The following CDH4 variants were observed in gnomAD, a reference collection of about 807,000 sequenced individuals.
The protein encoded by CDH4 is cadherin-4.
A neutral mutation model predicts 86.0 loss-of-function variants in CDH4; 33 were observed. That is an observed-to-expected ratio of 0.38 (90% confidence interval 0.29 to 0.51). The LOEUF (loss-of-function observed/expected upper bound fraction) is 0.51. Ranked by LOEUF, CDH4 falls within the 20% of genes least tolerant of loss-of-function variation. The pLI, the probability that CDH4 is intolerant of heterozygous loss-of-function variation, is 0.86. For missense variants in CDH4, 1,114 were observed against 1,307.4 expected, an observed-to-expected ratio of 0.85 and a Z score of 2.28; for synonymous variants, 555 against 549.4, an observed-to-expected ratio of 1.01 and a Z score of -0.14.
intron 7 of CDH4, among the ~76,000 whole-genome samples, chr20:61,885,600 TGTAA>T (rs1047449799): frequency 2.6e-5 from 4 of 152,216 alleles, no homozygotes; most frequent in African/African-American, 2.4e-5. Flanking sequence ...AACGAGGGCG[TGTAA>T]GTGTTTGTCA....
chr20:61,686,495 G>GCGTGTGTGTATATGTGTGTGCA (rs1339440560), intron 2 of CDH4, among the ~76,000 whole-genome samples: 19 of 151,544 alleles, frequency 1.3e-4, no homozygotes, highest in Non-Finnish European at 2.5e-4. Context: ...GTGTGCATTC[G>GCGTGTGTGTATATGTGTGTGCA]CGTGTGTGTA....
At chr20:61,878,781 T>C (rs1270553981) in intron 7 of CDH4, among the ~76,000 whole-genome samples, 1 of 152,252 alleles carries the variant, frequency 6.6e-6, no homozygotes, top group African/African-American at 2.4e-5. Context: ...TTCCAGGTCC[T>C]GTCTCCCGCC....
At chr20:61,746,912 C>A (rs924969182) in intron 3 of CDH4, among the ~76,000 whole-genome samples, 1 of 152,320 alleles carries the variant, frequency 6.6e-6, no homozygotes, top group Admixed American at 6.5e-5. Context: ...CTGGTTGATG[C>A]GCCCTTACAG....
intron 2 of CDH4, among the ~76,000 whole-genome samples, chr20:61,284,841 A>G (rs1600834204): frequency 6.6e-6 from 1 of 152,240 alleles, no homozygotes; most frequent in South Asian, 2.1e-4. Flanking sequence ...TTGGCGGGCC[A>G]GATGTCGGGA....
At chr20:61,868,809 T>C (rs1037047610) in intron 6 of CDH4, among the ~76,000 whole-genome samples, 5 of 152,104 alleles carry the variant, frequency 3.3e-5, no homozygotes, top group African/African-American at 1.2e-4. Flanking sequence ...TTCCCCACCA[T>C]GTATTCCAGA....
intron 7 of CDH4, among the ~76,000 whole-genome samples, chr20:61,875,334 T>C (rs1279702661): frequency 6.6e-6 from 1 of 152,010 alleles, no homozygotes; most frequent in Admixed American, 6.6e-5. Flanking sequence ...GAGAGGCCAG[T>C]TGGGGGGTAA....
intron 6 of CDH4, among the ~76,000 whole-genome samples, chr20:61,857,925 G>A (rs1158958716): frequency 1.3e-5 from 2 of 151,690 alleles, no homozygotes; most frequent in African/African-American, 4.8e-5. Flanking sequence ...GTGTGTGTCA[G>A]TGTGTGTCTG....
At chr20:61,853,756 G>C (rs1020679360) in intron 6 of CDH4, among the ~76,000 whole-genome samples, 4 of 152,196 alleles carry the variant, frequency 2.6e-5, no homozygotes, top group African/African-American at 9.6e-5. Flanking sequence ...GCCTGGGGCT[G>C]TGGGTTAACA....
Position 61,924,421 on chromosome 20 carries a change from G to T in CDH4, c.1716G>T (p.Glu572Asp). ...CCACGGCGGCAGTGCTGGACCGTGA[G>T]TCCCTCTACACCAAAAACAACGTCT... The part of the protein sequence containing the change: ...QITTAAVLDR[E>D]SLYTKNNVYE... The change falls in exon 11 of 16, where the codon GAG becomes GAT. Residue 572 changes from glutamate (E) to aspartate (D), a missense_variant. This residue lies in a region of CDH4 where 705 missense variants were observed against 914.1 expected (regional missense o/e 0.77). Transcript: ENST00000614565. 6.2e-7 allele frequency: 1 copy of T among 1,613,926 alleles called. No individual in the cohort carries two copies.
chr20:61,539,132 C>T (rs148890848), intron 2 of CDH4, among the ~76,000 whole-genome samples: 15 of 152,252 alleles, frequency 9.9e-5, no homozygotes, highest in Non-Finnish European at 1.6e-4. Flanking sequence ...TGCTGCCCAC[C>T]GTGGCCGGTG....
intron 2 of CDH4, among the ~76,000 whole-genome samples, chr20:61,442,002 G>A (rs750265813): frequency 6.6e-6 from 1 of 152,160 alleles, no homozygotes; most frequent in Admixed American, 6.5e-5. Context: ...CCAATCGTTT[G>A]TATCAGCATA....
chr20:61,653,914 G>A (rs558081749), intron 2 of CDH4, among the ~76,000 whole-genome samples: 7 of 122,034 alleles, frequency 5.7e-5, no homozygotes, highest in African/African-American at 1.4e-4. Flanking sequence ...GATGGCGGCC[G>A]CGCAGAGACA....
At chr20:61,911,221 A>G (rs78318549) in intron 9 of CDH4, among the ~76,000 whole-genome samples, 3,187 of 152,142 alleles carry the variant, frequency 0.021, 105 homozygotes, top group African/African-American at 0.072. Context: ...TGTTTTGGAG[A>G]GAGATCGGTT....
At chr20:61,824,231 G>A (rs1013007947) in intron 4 of CDH4, among the ~76,000 whole-genome samples, 81 of 152,078 alleles carry the variant, frequency 5.3e-4, no homozygotes, top group African/African-American at 1.9e-3. Context: ...CAAGTACACT[G>A]TCCTTAGAAG....
intron 2 of CDH4, among the ~76,000 whole-genome samples, chr20:61,310,229 G>A (rs537881962): frequency 6.6e-6 from 1 of 152,200 alleles, no homozygotes; most frequent in South Asian, 2.1e-4. Context: ...GGGTGATGGG[G>A]GTTCGTCTTG....
Position 61,501,199 on chromosome 20 carries a change from C to T in CDH4, c.170-242364C>T, listed in dbSNP as rs1377339443. Among the ~76,000 whole-genome samples, 1 of 152,216 alleles carries T rather than the reference C, an allele frequency of 6.6e-6. No individual in the cohort carries two copies. The highest frequency in any genetic ancestry group is 6.5e-5 in the Admixed American group (1 of 15,284). On this transcript the variant is annotated intron_variant, in intron 2 of 15. Transcript: ENST00000614565. The surrounding 1 kb of genome is among the most constrained non-coding windows in gnomAD (Gnocchi z 4.2). Reference sequence around the variant, plus strand: ...ACTCAGGCTGGGGGAGGTGGCGCTGCCATCCGCCATCTCCAGTCTCCTTAT... The same window carrying T: ...ACTCAGGCTGGGGGAGGTGGCGCTGTCATCCGCCATCTCCAGTCTCCTTAT...
intron 2 of CDH4, among the ~76,000 whole-genome samples, chr20:61,680,864 G>T (rs1467376929): frequency 6.6e-6 from 1 of 152,144 alleles, no homozygotes; most frequent in Non-Finnish European, 1.5e-5. Flanking sequence ...CCTTCAGAGG[G>T]ACTGGATGGA....
At position 61,858,973 on chromosome 20, in the gene CDH4, T is replaced by TG. The variant is rs532553908; in HGVS notation, c.877+6079dup. Among the ~76,000 whole-genome samples the TG allele has an allele frequency of 1.7e-3, 256 of 152,290 alleles. 1 individual carries two copies. The highest frequency in any genetic ancestry group is 5.4e-3 in the African/African-American group (225 of 41,556). ...ATCTCGGGAGCAGGCGTTTGTTTTGTGGGGAACTTCCATGTTCTCTGCCAG... is the reference window on the plus strand; with the variant it reads ...ATCTCGGGAGCAGGCGTTTGTTTTGTGGGGGAACTTCCATGTTCTCTGCCAG... On this transcript the variant is annotated intron_variant, in intron 6 of 15. Transcript: ENST00000614565.
chr20:61,906,814 C>CA (rs2054794340), intron 8 of CDH4, among the ~76,000 whole-genome samples: 2 of 152,132 alleles, frequency 1.3e-5, no homozygotes, highest in East Asian at 3.9e-4. Context: ...GGTCAGGTGT[C>CA]AGAGACCAGT....
Sources: gnomAD v4.1 joint callset for allele counts (sites outside exome capture counted in the v4.1 genomes callset) on GRCh38, gnomAD v4.1.1 for gene constraint, gnomAD v4.1.1 regional missense constraint, Gnocchi (gnomAD v3.1) non-coding constraint, MANE v1.5 for transcripts, NCBI Gene and HGNC (gene_info 2026-07-23, HGNC 2026-07-21) for gene names.